SPIDR: variants seen among roughly 807,000 people sequenced by gnomAD.
The protein encoded by SPIDR is scaffold protein involved in DNA repair, also known as DNA repair-scaffolding protein.
In SPIDR, 93 loss-of-function variants were observed where a neutral mutation model predicts 104.6. The observed-to-expected ratio is 0.89, with a 90% CI of 0.75 to 1.06. The LOEUF (loss-of-function observed/expected upper bound fraction) is 1.06. Ranked by LOEUF, SPIDR falls within the 50% of genes least tolerant of loss-of-function variation. SPIDR has a pLI of 0.00. For missense variants in SPIDR, 1,154 were observed against 1,111.2 expected (o/e 1.04, Z -0.55); for synonymous variants, 431 against 416.9 (o/e 1.03, Z -0.41).
chr8:47,401,298 C>T (rs1337206518), intron 6 of SPIDR, among the ~76,000 whole-genome samples: 1 of 152,076 alleles, frequency 6.6e-6, no homozygotes, highest in Non-Finnish European at 1.5e-5. Flanking sequence ...ATTTTGTCAC[C>T]ACCAGACCTG....
At chr8:47,670,358 G>T (rs1039568896) in intron 10 of SPIDR, among the ~76,000 whole-genome samples, 15 of 152,114 alleles carry the variant, frequency 9.9e-5, no homozygotes, top group Admixed American at 9.2e-4. Context: ...CTGCTCTCAG[G>T]TAGCATACTG....
intron 10 of SPIDR, among the ~76,000 whole-genome samples, chr8:47,621,177 G>A (rs1004887702): frequency 2.8e-4 from 43 of 151,720 alleles, no homozygotes; most frequent in Non-Finnish European, 5.3e-4. Flanking sequence ...GGATGGTCTC[G>A]ATCTCCTGAC....
At chr8:47,364,041 G>A (rs1211134758) in intron 5 of SPIDR, among the ~76,000 whole-genome samples, 1 of 152,190 alleles carries the variant, frequency 6.6e-6, no homozygotes. Context: ...TGTTTCAGGA[G>A]AGAACATGGA....
At chr8:47,304,576 G>A (rs1563545912) in intron 5 of SPIDR, among the ~76,000 whole-genome samples, 1 of 152,122 alleles carries the variant, frequency 6.6e-6, no homozygotes, top group Non-Finnish European at 1.5e-5. Context: ...CTTTCACCAT[G>A]TGAAGTGTCT....
intron 2 of SPIDR, among the ~76,000 whole-genome samples, chr8:47,280,236 TTTTA>T (rs1308444625): frequency 1.2e-4 from 18 of 151,404 alleles, no homozygotes; most frequent in African/African-American, 4.1e-4. Flanking sequence ...TTTTTTTTTA[TTTTA>T]TTTATTTATT....
At chr8:47,549,255 C>A (rs187148441) in intron 8 of SPIDR, among the ~76,000 whole-genome samples, 1 of 152,266 alleles carries the variant, frequency 6.6e-6, no homozygotes, top group East Asian at 1.9e-4. Flanking sequence ...TTTATAGCAG[C>A]ATGATTTATA....
At chr8:47,602,936 C>T (rs867596916) in intron 10 of SPIDR, among the ~76,000 whole-genome samples, 2 of 152,140 alleles carry the variant, frequency 1.3e-5, no homozygotes, top group Admixed American at 6.5e-5. Flanking sequence ...TTAATGAAAA[C>T]GTTTCTGTGA....
intron 5 of SPIDR, among the ~76,000 whole-genome samples, chr8:47,342,328 CTTTT>C (rs11357859): frequency 7.3e-5 from 5 of 68,914 alleles, no homozygotes; most frequent in African/African-American, 3.2e-4. Flanking sequence ...TTTCAAAGGT[CTTTT>C]TTTTTTTTTT....
At chr8:47,607,310 T>G (rs542053459) in intron 10 of SPIDR, among the ~76,000 whole-genome samples, 1 of 152,272 alleles carries the variant, frequency 6.6e-6, no homozygotes, top group South Asian at 2.1e-4. Context: ...CTTAATTAAT[T>G]AGTTCTGTGT....
intron 8 of SPIDR, among the ~76,000 whole-genome samples, chr8:47,443,298 A>G (rs1033230171): frequency 1.4e-4 from 21 of 152,204 alleles, no homozygotes; most frequent in Middle Eastern, 3.4e-3. Flanking sequence ...GGCCGGGCGC[A>G]TTAGTTCACG....
intron 5 of SPIDR, among the ~76,000 whole-genome samples, chr8:47,359,118 C>T (rs941874597): frequency 7.9e-5 from 12 of 151,520 alleles, no homozygotes; most frequent in South Asian, 6.3e-4. Flanking sequence ...TTTTTACGGG[C>T]GCCTGTAGTC....
intron 8 of SPIDR, among the ~76,000 whole-genome samples, chr8:47,576,480 G>C (rs2059145265): frequency 6.7e-6 from 1 of 149,564 alleles, no homozygotes; most frequent in Non-Finnish European, 1.5e-5. Context: ...ATTGCCAAGG[G>C]TGGAGTGCAG....
chr8:47,442,584 C>G (rs2069653000), intron 8 of SPIDR, among the ~76,000 whole-genome samples: 1 of 152,184 alleles, frequency 6.6e-6, no homozygotes, highest in African/African-American at 2.4e-5. Context: ...TACCTTGAAC[C>G]TGTCTTCCCT....
chr8:47,421,964 C>T (rs1422597961), intron 7 of SPIDR, among the ~76,000 whole-genome samples: 2 of 152,162 alleles, frequency 1.3e-5, no homozygotes, highest in African/African-American at 4.8e-5. Flanking sequence ...CTGATTGTTT[C>T]TGGAAGTTTT....
intron 7 of SPIDR, among the ~76,000 whole-genome samples, chr8:47,411,188 C>T (rs1317121744): frequency 1.3e-5 from 2 of 152,182 alleles, no homozygotes; most frequent in Non-Finnish European, 2.9e-5. Flanking sequence ...AATGGGATGG[C>T]TGGGTCAAAT....
At chr8:47,467,437 G>A (rs151131632) in intron 8 of SPIDR, among the ~76,000 whole-genome samples, 1 of 152,088 alleles carries the variant, frequency 6.6e-6, no homozygotes, top group Non-Finnish European at 1.5e-5. Context: ...CAATATTTTT[G>A]ATAAACATCA....
At chr8:47,690,285 G>C (rs2078455118) in intron 11 of SPIDR, among the ~76,000 whole-genome samples, 1 of 151,974 alleles carries the variant, frequency 6.6e-6, no homozygotes. Flanking sequence ...GGGGGGTGAG[G>C]GGTGCGCGTG....
intron 5 of SPIDR, among the ~76,000 whole-genome samples, chr8:47,311,886 C>A (rs1294358858): frequency 1.3e-5 from 2 of 152,138 alleles, no homozygotes; most frequent in Non-Finnish European, 2.9e-5. Flanking sequence ...CATCCCACAA[C>A]AGTCCCCGGA....
At chr8:47,616,753 CCT>C (rs1204185474) in intron 10 of SPIDR, among the ~76,000 whole-genome samples, 1 of 152,170 alleles carries the variant, frequency 6.6e-6, no homozygotes, top group East Asian at 1.9e-4. Flanking sequence ...CCCAGTTTCC[CCT>C]GTTGTTACAT....
Sources: allele counts gnomAD v4.1 joint callset (sites outside exome capture counted in the v4.1 genomes callset), GRCh38; gene constraint gnomAD v4.1.1; transcripts MANE v1.5; gene names NCBI Gene and HGNC (gene_info 2026-07-23, HGNC 2026-07-21).